The following APCDD1L variants were observed in gnomAD, a reference collection of about 807,000 sequenced individuals.
The protein encoded by APCDD1L is protein APCDD1-like.
Under a neutral mutation model 24.2 loss-of-function variants are expected in APCDD1L, and 21 were observed. The observed-to-expected ratio is 0.87, with a 90% confidence interval of 0.61 to 1.25. The LOEUF is 1.25. Ranked by LOEUF, APCDD1L falls within the 50% of genes most tolerant of loss-of-function variation. The probability of loss-of-function intolerance (pLI) is 0.00; values close to 1 mark genes in which losing one functional copy is unlikely to be tolerated. For synonymous variants in APCDD1L, 321 were observed against 323.6 expected, an observed-to-expected ratio of 0.99 and a Z score of 0.09; for missense variants, 704 against 711.7, an observed-to-expected ratio of 0.99 and a Z score of 0.12.
chr20:58,462,325 C>T (rs1199177454), intron 3 of APCDD1L, among the ~76,000 whole-genome samples: 1 of 152,144 alleles, frequency 6.6e-6, no homozygotes, highest in Non-Finnish European at 1.5e-5. Context: ...GGCTGGGCTG[C>T]CCAGGTTGTC....
chr20:58,483,528 C>T (rs1990064586), intron 1 of APCDD1L, among the ~76,000 whole-genome samples: 1 of 152,108 alleles, frequency 6.6e-6, no homozygotes. Context: ...TAGGATGAGG[C>T]TAAGGCACAG....
rs1467749736 is a variant in APCDD1L, at chr20:58,514,020, G to A, written c.49+639C>T. ...GGCACACTCCAGTCAGCTGGCCTTT[G>A]TACAGTTTTGTCTACCCTACTCCCC... is the stretch of plus-strand genomic sequence containing the variant. On this transcript the variant is annotated intron_variant, in intron 1 of 3. Coordinates refer to ENST00000371149, the MANE Select transcript of APCDD1L (RefSeq NM_153360.3). 2.5e-6 allele frequency: 3 copies of A among 1,221,618 alleles called. No individual in the cohort carries two copies. In the African/African-American group the frequency reaches 4.7e-5, roughly 19 times the overall value. The allele number at this position is 1,221,618 out of a possible 1,614,324, so 75.7% of individuals were successfully genotyped here. A position where few individuals can be genotyped will look rare whatever the true frequency, so the allele number is the denominator to read the frequency against.
intron 1 of APCDD1L, among the ~76,000 whole-genome samples, chr20:58,509,242 C>G (rs1010329721): frequency 1.3e-5 from 2 of 152,066 alleles, no homozygotes; most frequent in East Asian, 3.8e-4. Context: ...AGGACCAGGG[C>G]GGGCCGGGTG....
intron 1 of APCDD1L, among the ~76,000 whole-genome samples, chr20:58,479,680 T>G (rs570288981): frequency 2.3e-4 from 35 of 151,842 alleles, no homozygotes; most frequent in South Asian, 8.3e-4. Context: ...CCTAGAAAGT[T>G]TGGACTTGGA....
At chr20:58,466,402 C>T (rs1989705370) in intron 3 of APCDD1L, among the ~76,000 whole-genome samples, 1 of 152,192 alleles carries the variant, frequency 6.6e-6, no homozygotes, top group African/African-American at 2.4e-5. Flanking sequence ...CACGTGGCTT[C>T]GCCGTCTGGT....
intron 1 of APCDD1L, among the ~76,000 whole-genome samples, chr20:58,502,348 G>A (rs539168845): frequency 8.1e-4 from 124 of 152,244 alleles, no homozygotes; most frequent in African/African-American, 2.7e-3. Context: ...TGATCCACCC[G>A]CCTCGGCCTC....
chr20:58,507,184 G>C (rs1365227552), intron 1 of APCDD1L, among the ~76,000 whole-genome samples: 1 of 152,188 alleles, frequency 6.6e-6, no homozygotes, highest in Non-Finnish European at 1.5e-5. Context: ...GAGTTTCCCT[G>C]CACAAGTTCT....
intron 1 of APCDD1L, among the ~76,000 whole-genome samples, chr20:58,486,013 A>C (rs1990112188): frequency 6.6e-6 from 1 of 152,230 alleles, no homozygotes; most frequent in South Asian, 2.1e-4. Context: ...AGAAAGCATT[A>C]TTATTTTCAA....
At chr20:58,463,822 A>G (rs1031075868) in intron 3 of APCDD1L, among the ~76,000 whole-genome samples, 1 of 139,704 alleles carries the variant, frequency 7.2e-6, no homozygotes, top group African/African-American at 2.6e-5. Flanking sequence ...AGTGAGTTTC[A>G]TGCCAGACGA....
At chr20:58,495,316 C>T (rs1463285107) in intron 1 of APCDD1L, among the ~76,000 whole-genome samples, 1 of 152,182 alleles carries the variant, frequency 6.6e-6, no homozygotes, top group South Asian at 2.1e-4. Context: ...GTGTTAAGGC[C>T]AGTGTGGGGC....
Position 58,467,364 on chromosome 20 carries a change from C to T in APCDD1L, c.483G>A (p.Arg161=). 2 of 1,469,214 alleles carry T rather than the reference C, an allele frequency of 1.4e-6. No individual in the cohort carries two copies. Among genetic ancestry groups the T allele is most frequent in the Non-Finnish European group, 8.9e-7 (1 of 1,119,772 alleles). 91.0% of individuals were successfully genotyped at this position (1,469,214 alleles called of 1,614,324 possible). A position where few individuals can be genotyped will look rare whatever the true frequency, so the allele number is the denominator to read the frequency against. ...QTRAGRDCAR[R]LPPARAWLPG... is the part of the protein sequence containing the mutation. ...GCAGCCAGGCCCGGGCCGGAGGCAG[C>T]CGCCGCGCGCAGTCCCGGCCGGCGC... Residue 161 remains arginine, a synonymous_variant, in exon 3 of 4, where the codon CGG becomes CGA. Coordinates refer to ENST00000371149, the MANE Select transcript of APCDD1L (RefSeq NM_153360.3). This position sits in a 1 kb window ranked among gnomAD's most constrained non-coding sequence, Gnocchi z 5.9.
At position 58,494,356 on chromosome 20, in the gene APCDD1L, G is replaced by C. The variant is rs1262088331; in HGVS notation, c.49+20303C>G. 7.0e-6 allele frequency among the ~76,000 whole-genome samples: 1 copy of C among 143,732 alleles called. No individual in the cohort carries two copies. The highest frequency in any genetic ancestry group is 1.5e-5 in the Non-Finnish European group (1 of 65,818). 94.3% of individuals were successfully genotyped at this position (143,732 alleles called of 152,430 possible). ...CCTTTCTTTTCTTTCCTTTTTTCTT[G>C]AGTCAGGGTTTCATTCTGTCGCATA... On this transcript the variant is annotated intron_variant, in intron 1 of 3. Coordinates refer to ENST00000371149, the MANE Select transcript of APCDD1L (RefSeq NM_153360.3). The surrounding 1 kb of genome is among the most constrained non-coding windows in gnomAD (Gnocchi z 4.8).
chr20:58,509,586 T>G lies in APCDD1L; in HGVS notation c.49+5073A>C, dbSNP rs147838112. 5.1e-4 allele frequency among the ~76,000 whole-genome samples: 77 copies of G among 152,218 alleles called. 1 individual carries two copies. The highest frequency in any genetic ancestry group is 3.4e-3 in the Middle Eastern group (1 of 294). On this transcript the variant is annotated intron_variant, in intron 1 of 3. Transcript: ENST00000371149. ...GTCAGGAGCTGAGCCTGGGCCCTGG[T>G]GGACACAGAGAAGGCTCAGTAAGTA...
intron 1 of APCDD1L, among the ~76,000 whole-genome samples, chr20:58,510,182 C>T (rs2123197603): frequency 6.6e-6 from 1 of 152,282 alleles, no homozygotes; most frequent in African/African-American, 2.4e-5. Context: ...ATTAGTTGCT[C>T]ATTTAAGATT....
intron 3 of APCDD1L, among the ~76,000 whole-genome samples, chr20:58,462,933 G>A (rs143666874): frequency 2.3e-4 from 35 of 151,560 alleles, no homozygotes; most frequent in African/African-American, 8.2e-4. Flanking sequence ...CATGAGGTCA[G>A]GAGATCAAGA....
chr20:58,463,665 G>T (rs942953850), intron 3 of APCDD1L, among the ~76,000 whole-genome samples: 1 of 152,196 alleles, frequency 6.6e-6, no homozygotes, highest in African/African-American at 2.4e-5. Flanking sequence ...AACATCTCCT[G>T]CTGTGGCCAT....
intron 3 of APCDD1L, among the ~76,000 whole-genome samples, chr20:58,463,106 C>G (rs888945771): frequency 9.6e-5 from 13 of 135,394 alleles, no homozygotes; most frequent in African/African-American, 3.8e-4. Flanking sequence ...TGTGCCACTG[C>G]ACTCCAGCCT....
chr20:58,469,492 G>A (rs140193624), intron 2 of APCDD1L, among the ~76,000 whole-genome samples: 5 of 152,288 alleles, frequency 3.3e-5, no homozygotes, highest in African/African-American at 1.2e-4. Flanking sequence ...AACTTTCAAG[G>A]AAGAAAGTTC....
Position 58,461,367 on chromosome 20 carries a change from G to C in APCDD1L, c.929C>G (p.Ser310Cys), listed in dbSNP as rs1033995621. Reference protein sequence around the residue: ...RLFTFHGHSRSWEGYYHHFSD... With the variant: ...RLFTFHGHSRCWEGYYHHFSD... ...GAAGTGGTGGTAATACCCTTCCCAG[G>C]AGCGGCTGTGCCCGTGGAAAGTGAA... is the stretch of plus-strand genomic sequence containing the variant. The change falls in exon 4 of 4, where the codon TCC (serine) becomes TGC (cysteine). Residue 310 changes from serine (S) to cysteine (C), a missense_variant. Transcript: ENST00000371149. This position sits in a 1 kb window ranked among gnomAD's most constrained non-coding sequence, Gnocchi z 6.0. The C allele has an allele frequency of 8.9e-6, 14 of 1,571,500 alleles. No individual in the cohort carries two copies. Among genetic ancestry groups the C allele is most frequent in the Non-Finnish European group, 9.5e-6 (11 of 1,153,570 alleles).
Sources: allele counts gnomAD v4.1 joint callset (sites outside exome capture counted in the v4.1 genomes callset), GRCh38; gene constraint gnomAD v4.1.1; non-coding constraint Gnocchi (gnomAD v3.1); transcripts MANE v1.5; gene names NCBI Gene and HGNC (gene_info 2026-07-23, HGNC 2026-07-21).